SLC16A7: variants seen among roughly 807,000 people sequenced by gnomAD.
SLC16A7 encodes solute carrier family 16 member 7.
A neutral mutation model predicts 34.9 loss-of-function variants in SLC16A7; 33 were observed. The observed-to-expected ratio is 0.94, with a 90% CI of 0.72 to 1.26. The LOEUF (loss-of-function observed/expected upper bound fraction) is 1.26, where lower values mean the gene tolerates loss of function less well. Among genes scored for constraint, SLC16A7 ranks in the 50% most tolerant of loss-of-function variants. The pLI, the probability that SLC16A7 is intolerant of heterozygous loss-of-function variation, is 0.00. For missense variants in SLC16A7, 573 were observed against 578.1 expected, an observed-to-expected ratio of 0.99 and a Z score of 0.09; for synonymous variants, 201 against 206.6, an observed-to-expected ratio of 0.97 and a Z score of 0.23.
At position 59,784,809 on chromosome 12, in the gene SLC16A7, A is replaced by G. The variant is rs1262330488; in HGVS notation, c.*5130A>G. ...ATGATTTTAGAGTCTTGAAAAACTG[A>G]TCTTCTTTGGCACTATCCTGAATGT... On this transcript the variant is annotated 3_prime_UTR_variant, in exon 6 of 6. Coordinates refer to ENST00000547379, the MANE Select transcript of SLC16A7 (RefSeq NM_001270623.2). 3 of 152,176 alleles carry G rather than the reference A, an allele frequency of 2.0e-5. No homozygotes were observed. In the South Asian group the frequency reaches 6.2e-4, roughly 31 times the overall value. The allele number at this position is 152,176 out of a possible 1,614,324, so 9.4% of individuals were successfully genotyped here.
intron 1 of SLC16A7, among the ~76,000 whole-genome samples, chr12:59,625,675 A>C (rs1879895277): frequency 6.6e-6 from 1 of 151,824 alleles, no homozygotes; most frequent in African/African-American, 2.4e-5. Context: ...AACTCAAGAA[A>C]TATTAGTTAT....
chr12:59,744,645 T>G (rs943489432), intron 3 of SLC16A7, among the ~76,000 whole-genome samples: 2 of 152,088 alleles, frequency 1.3e-5, no homozygotes, highest in Admixed American at 1.3e-4. Context: ...ACCCACCTCA[T>G]GCAAAAAGGC....
chr12:59,685,547 G>A (rs1871088090), intron 2 of SLC16A7, among the ~76,000 whole-genome samples: 1 of 152,020 alleles, frequency 6.6e-6, no homozygotes, highest in African/African-American at 2.4e-5. Context: ...GACATATTTT[G>A]TGGCTATATA....
At chr12:59,761,096 G>A in intron 3 of SLC16A7, 2 of 1,088,490 alleles carry the variant, frequency 1.8e-6, no homozygotes, top group Non-Finnish European at 2.5e-6. Flanking sequence ...AATTGAAGAA[G>A]TTACTGCAAA....
At chr12:59,686,754 G>T (rs1342063115) in intron 2 of SLC16A7, among the ~76,000 whole-genome samples, 3 of 151,872 alleles carry the variant, frequency 2.0e-5, no homozygotes, top group Non-Finnish European at 4.4e-5. Flanking sequence ...CTACATTCCC[G>T]ACTATTTTTT....
chr12:59,691,703 TAAC>T (rs1249394472), intron 2 of SLC16A7, among the ~76,000 whole-genome samples: 5 of 152,096 alleles, frequency 3.3e-5, no homozygotes, highest in South Asian at 2.1e-4. Context: ...ATTACACTTT[TAAC>T]AACATTTTAG....
At chr12:59,683,361 GT>G (rs1870897271) in intron 2 of SLC16A7, among the ~76,000 whole-genome samples, 1 of 152,214 alleles carries the variant, frequency 6.6e-6, no homozygotes, top group East Asian at 1.9e-4. Flanking sequence ...GCTAGGATGT[GT>G]TGGAGAGAGG....
chr12:59,780,417 A>C lies in SLC16A7; in HGVS notation c.*738A>C, dbSNP rs1477293292. 9 of 152,242 alleles carry C rather than the reference A, an allele frequency of 5.9e-5. No individual in the cohort carries two copies. In the South Asian group the frequency reaches 1.9e-3, roughly 32 times the overall value. The allele number at this position is 152,242 out of a possible 1,614,324, so 9.4% of individuals were successfully genotyped here. On this transcript the variant is annotated 3_prime_UTR_variant, in exon 6 of 6. Transcript: ENST00000547379. ...AAGAAAATCAATGTTAAACCATTAA[A>C]TCTGAGCACTGTTAGACTTGATTAA...
chr12:59,725,773 C>A (rs1213921313), intron 3 of SLC16A7, among the ~76,000 whole-genome samples: 1 of 152,120 alleles, frequency 6.6e-6, no homozygotes, highest in Non-Finnish European at 1.5e-5. Flanking sequence ...GGCCATGCTA[C>A]TCATTTTTGT....
intron 1 of SLC16A7, among the ~76,000 whole-genome samples, chr12:59,612,417 G>A (rs1193544393): frequency 2.0e-5 from 3 of 152,130 alleles, no homozygotes; most frequent in African/African-American, 7.2e-5. Flanking sequence ...GGGGGACCCT[G>A]GGCCCAGACC....
intron 3 of SLC16A7, among the ~76,000 whole-genome samples, chr12:59,728,298 C>A (rs1228712329): frequency 2.6e-5 from 4 of 152,138 alleles, no homozygotes; most frequent in Non-Finnish European, 5.9e-5. Flanking sequence ...TCAAACACTT[C>A]CTTTAGTGAC....
chr12:59,682,890 A>G (rs1007156383), intron 2 of SLC16A7, among the ~76,000 whole-genome samples: 9 of 152,244 alleles, frequency 5.9e-5, no homozygotes, highest in African/African-American at 2.2e-4. Context: ...AACATGGGGA[A>G]ACCCTGTCTC....
In SLC16A7 at chr12:59,771,262, G is replaced by C. The variant is rs150664550; in HGVS notation, c.261G>C (p.Pro87=). 1 of 1,613,224 alleles carries C rather than the reference G, an allele frequency of 6.2e-7. No individual in the cohort carries two copies. Among genetic ancestry groups the C allele is most frequent in the Non-Finnish European group, 8.5e-7 (1 of 1,179,514 alleles). ...TGGTGAATAAATACGGCAGCCGGCC[G>C]GTGGTGATAGCAGGAGGCTTATTAT... is the stretch of plus-strand genomic sequence containing the variant. ...SVLVNKYGSR[P]VVIAGGLLCC... Residue 87 remains proline (P), a synonymous_variant, in exon 4 of 6, where the codon CCG becomes CCC. Coordinates refer to ENST00000547379, the MANE Select transcript of SLC16A7 (RefSeq NM_001270623.2).
At chr12:59,767,781 A>T (rs1242580721) in intron 3 of SLC16A7, among the ~76,000 whole-genome samples, 1 of 152,110 alleles carries the variant, frequency 6.6e-6, no homozygotes, top group African/African-American at 2.4e-5. Context: ...TACAACATTC[A>T]TTCTGCAGCT....
intron 1 of SLC16A7, among the ~76,000 whole-genome samples, chr12:59,650,454 T>A (rs1818182236): frequency 6.6e-6 from 1 of 152,116 alleles, no homozygotes; most frequent in African/African-American, 2.4e-5. Flanking sequence ...TGGAATATTG[T>A]CTCTACCCTT....
chr12:59,636,221 TTC>T (rs1266217134), intron 1 of SLC16A7, among the ~76,000 whole-genome samples: 2 of 152,108 alleles, frequency 1.3e-5, no homozygotes, highest in South Asian at 2.1e-4. Context: ...TAAGAACACT[TTC>T]TGTTTCCCTC....
intron 1 of SLC16A7, among the ~76,000 whole-genome samples, chr12:59,609,281 G>C (rs999551283): frequency 1.3e-5 from 2 of 152,200 alleles, no homozygotes; most frequent in Non-Finnish European, 2.9e-5. Context: ...GACAAAGTCC[G>C]TTTGTACCAA....
chr12:59,696,855 G>C (rs1213490675), intron 2 of SLC16A7, among the ~76,000 whole-genome samples: 1 of 151,928 alleles, frequency 6.6e-6, no homozygotes, highest in East Asian at 1.9e-4. Flanking sequence ...AAATGAAGAA[G>C]TATGTGAGTG....
chr12:59,764,529 G>A (rs940073696), intron 3 of SLC16A7, among the ~76,000 whole-genome samples: 1 of 132,884 alleles, frequency 7.5e-6, no homozygotes, highest in Non-Finnish European at 1.5e-5. Context: ...TCCCCTTCCT[G>A]TGTCCATGTG....
Sources: gnomAD v4.1 joint callset for allele counts (sites outside exome capture counted in the v4.1 genomes callset) on GRCh38, gnomAD v4.1.1 for gene constraint, MANE v1.5 for transcripts, NCBI Gene and HGNC (gene_info 2026-07-23, HGNC 2026-07-21) for gene names.